The following MFAP3L variants were observed in gnomAD, a reference collection of about 807,000 sequenced individuals.
MFAP3L encodes the protein microfibril associated protein 3 like.
Under a neutral mutation model 20.0 loss-of-function variants are expected in MFAP3L, and 5 were observed. The observed-to-expected ratio is 0.25, with a 90% CI of 0.13 to 0.53. The LOEUF is 0.53. Ranked by LOEUF, MFAP3L falls within the 20% of genes least tolerant of loss-of-function variation. The pLI is 0.96. For missense variants in MFAP3L, 409 were observed against 527.5 expected (o/e 0.78, Z 2.20); for synonymous variants, 219 against 213.0 (o/e 1.03, Z -0.25).
At chr4:169,993,355 A>G (rs987461971) in intron 2 of MFAP3L, among the ~76,000 whole-genome samples, 1 of 152,148 alleles carries the variant, frequency 6.6e-6, no homozygotes, top group African/African-American at 2.4e-5. Context: ...CTCCATAAAA[A>G]CATTCTAGTT....
In MFAP3L at chr4:169,988,412, ATGAC is replaced by A. The variant is rs1737424603; in HGVS notation, c.*2962_*2965del. The A allele has an allele frequency of 6.6e-6, 1 of 152,228 alleles. No homozygotes were observed. The highest frequency in any genetic ancestry group is 1.5e-5 in the Non-Finnish European group (1 of 68,034). 9.4% of individuals were successfully genotyped at this position (152,228 alleles called of 1,614,324 possible). On this transcript the variant is annotated 3_prime_UTR_variant, in exon 3 of 3. Transcript: ENST00000361618. ...TTTCAAGAAAAACATTGCTAGAGAT[ATGAC>A]CAGGATGACTCAGAAGCCAGAAATT...
chr4:170,026,123 C>G, intron 1 of MFAP3L, 111 bp downstream of exon 1: 1 of 592,506 alleles, frequency 1.7e-6, no homozygotes, highest in Non-Finnish European at 2.1e-6. Context: ...CTCAGCCAGC[C>G]CAAACACCCG....
chr4:169,995,806 T>C (rs1272324562), intron 2 of MFAP3L, among the ~76,000 whole-genome samples: 1 of 152,214 alleles, frequency 6.6e-6, no homozygotes, highest in Non-Finnish European at 1.5e-5. Context: ...TGAATGTTCA[T>C]GAAGCTGCAT....
chr4:169,991,562 G>A lies in MFAP3L; in HGVS notation c.1046C>T (p.Ser349Leu), dbSNP rs576425047. 86 of 1,614,152 alleles carry A rather than the reference G, an allele frequency of 5.3e-5. 1 individual carries two copies. Among genetic ancestry groups the A allele is most frequent in the South Asian group, 4.5e-4 (41 of 91,080 alleles). Residue 349 changes from serine to leucine, a missense_variant, in exon 3 of 3, where the codon TCG (serine) becomes TTG (leucine). Transcript: ENST00000361618. The surrounding 1 kb of genome is among the most constrained non-coding windows in gnomAD (Gnocchi z 4.9). ...EVKDVEETEL[S>L]AEHSPETAEP... ...TGCAGTTTCGGGGGAATGTTCCGCCGACAGTTCTGTCTCCTCTACATCTTT... is the reference window on the plus strand; with the variant it reads ...TGCAGTTTCGGGGGAATGTTCCGCCAACAGTTCTGTCTCCTCTACATCTTT...
intron 1 of MFAP3L, among the ~76,000 whole-genome samples, chr4:170,010,888 A>G (rs1739338053): frequency 6.6e-6 from 1 of 152,138 alleles, no homozygotes; most frequent in Admixed American, 6.5e-5. Context: ...ATCTCTGAAT[A>G]TAAACTATGG....
rs544641804 is a variant in MFAP3L, at chr4:170,002,169, C to G, written c.298+3411G>C. ...GTGAGGATGCCTTTTCCATCTAGTT[C>G]TTCTCATATTCACTCAGTCTGAGTG... On this transcript the variant is annotated intron_variant, in intron 2 of 2. Coordinates refer to ENST00000361618, the MANE Select transcript of MFAP3L (RefSeq NM_021647.8). 13 of 937,888 alleles carry G rather than the reference C, an allele frequency of 1.4e-5. No homozygotes were observed. In the South Asian group the frequency reaches 2.0e-4, roughly 15 times the overall value. The allele number at this position is 937,888 out of a possible 1,614,324, so 58.1% of individuals were successfully genotyped here.
At chr4:170,012,685 T>G (rs965502253) in intron 1 of MFAP3L, among the ~76,000 whole-genome samples, 6 of 152,256 alleles carry the variant, frequency 3.9e-5, no homozygotes, top group Admixed American at 3.3e-4. Flanking sequence ...AATTAGAGCC[T>G]GTCTTTTTAA....
At chr4:170,005,177 C>A in intron 2 of MFAP3L, 1 of 188,038 alleles carries the variant, frequency 5.3e-6, no homozygotes, top group South Asian at 1.5e-4. Flanking sequence ...AATCCACGGC[C>A]AATGAATTAA....
At chr4:170,018,736 C>T (rs1433491516) in intron 1 of MFAP3L, among the ~76,000 whole-genome samples, 1 of 151,534 alleles carries the variant, frequency 6.6e-6, no homozygotes, top group African/African-American at 2.4e-5. Context: ...GAGCTGGACT[C>T]AAAGACCAAG....
chr4:170,015,263 C>T (rs554276698), intron 1 of MFAP3L, among the ~76,000 whole-genome samples: 1 of 152,142 alleles, frequency 6.6e-6, no homozygotes, highest in African/African-American at 2.4e-5. Flanking sequence ...TTGATCTCTC[C>T]GAGCTTCAGA....
chr4:170,025,971 G>A (rs1275228112), intron 1 of MFAP3L, among the ~76,000 whole-genome samples: 1 of 152,064 alleles, frequency 6.6e-6, no homozygotes, highest in Non-Finnish European at 1.5e-5. Flanking sequence ...CCTCGCCCTC[G>A]GAAGGTTACG....
intron 1 of MFAP3L, among the ~76,000 whole-genome samples, chr4:170,025,133 C>CAATT (rs1740268648): frequency 6.6e-6 from 1 of 152,220 alleles, no homozygotes; most frequent in Non-Finnish European, 1.5e-5. Context: ...AGAAACCACA[C>CAATT]TGGGACCTAC....
At chr4:170,003,677 T>C in intron 2 of MFAP3L, 2 of 985,434 alleles carry the variant, frequency 2.0e-6, no homozygotes, top group Non-Finnish European at 2.4e-6. Flanking sequence ...TAACCTTTGC[T>C]TTAGGGTCCA....
At chr4:170,016,043 A>AT (rs1379263596) in intron 1 of MFAP3L, among the ~76,000 whole-genome samples, 1 of 152,178 alleles carries the variant, frequency 6.6e-6, no homozygotes, top group Non-Finnish European at 1.5e-5. Context: ...TAATTGTCCC[A>AT]TTAAAAAAAA....
At chr4:170,010,229 C>T (rs1739289572) in intron 1 of MFAP3L, among the ~76,000 whole-genome samples, 1 of 151,988 alleles carries the variant, frequency 6.6e-6, no homozygotes, top group African/African-American at 2.4e-5. Flanking sequence ...ACTTCCTTTC[C>T]CATATATCAT....
chr4:170,002,676 AT>A (rs1455443584), intron 2 of MFAP3L, among the ~76,000 whole-genome samples: 2 of 151,732 alleles, frequency 1.3e-5, no homozygotes, highest in Non-Finnish European at 2.9e-5. Flanking sequence ...CGCCCAGCTA[AT>A]TTTTGTATTT....
chr4:170,018,604 G>A (rs1739841634), intron 1 of MFAP3L, among the ~76,000 whole-genome samples: 1 of 152,148 alleles, frequency 6.6e-6, no homozygotes, highest in South Asian at 2.1e-4. Flanking sequence ...AATGAGAAAT[G>A]ACCAGCCTCC....
intron 2 of MFAP3L, chr4:170,003,784 AG>A: frequency 1.0e-6 from 1 of 985,456 alleles, no homozygotes; most frequent in East Asian, 1.1e-4. Flanking sequence ...AGACCTGCTA[AG>A]GTACCTGGCC....
chr4:170,015,854 A>G (rs1739667041), intron 1 of MFAP3L, among the ~76,000 whole-genome samples: 1 of 152,174 alleles, frequency 6.6e-6, no homozygotes, highest in Admixed American at 6.5e-5. Context: ...TAGCCATGCC[A>G]CGGACCCAAC....
Sources: allele counts gnomAD v4.1 joint callset (sites outside exome capture counted in the v4.1 genomes callset), GRCh38; gene constraint gnomAD v4.1.1; non-coding constraint Gnocchi (gnomAD v3.1); transcripts MANE v1.5; gene names NCBI Gene and HGNC (gene_info 2026-07-23, HGNC 2026-07-21).